The following LEPR variants were observed in gnomAD, a reference collection of about 807,000 sequenced individuals.
The protein encoded by LEPR is leptin receptor, also known as OB receptor.
LEPR carries 56 observed loss-of-function variants against 114.7 expected under a neutral mutation model. The observed-to-expected ratio is 0.49, with a 90% CI of 0.39 to 0.61. LEPR has a LOEUF of 0.61. LEPR is among the 20% of genes least tolerant of loss of function. LEPR has a pLI of 0.00. For synonymous variants in LEPR, 443 were observed against 461.4 expected, an observed-to-expected ratio of 0.96 and a Z score of 0.51; for missense variants, 1,202 against 1,352.9, an observed-to-expected ratio of 0.89 and a Z score of 1.75.
intron 2 of LEPR, among the ~76,000 whole-genome samples, chr1:65,480,691 T>C (rs1647215104): frequency 1.3e-5 from 2 of 152,112 alleles, no homozygotes; most frequent in African/African-American, 4.8e-5. Context: ...ATGAGGATAT[T>C]TATCCCCATT....
At chr1:65,524,756 A>G (rs1252949519) in intron 2 of LEPR, among the ~76,000 whole-genome samples, 1 of 152,144 alleles carries the variant, frequency 6.6e-6, no homozygotes, top group African/African-American at 2.4e-5. Flanking sequence ...TTTCTTCCAT[A>G]TCACCCAGCG....
intron 2 of LEPR, among the ~76,000 whole-genome samples, chr1:65,475,502 C>T (rs765191992): frequency 5.3e-5 from 8 of 152,164 alleles, no homozygotes; most frequent in East Asian, 1.9e-4. Flanking sequence ...TTCCCTTCCA[C>T]GTAGAACCCT....
At chr1:65,441,176 C>T (rs1176975990) in intron 2 of LEPR, among the ~76,000 whole-genome samples, 1 of 152,178 alleles carries the variant, frequency 6.6e-6, no homozygotes, top group East Asian at 1.9e-4. Flanking sequence ...TGTGTAAACC[C>T]CAAATAGCTG....
intron 2 of LEPR, among the ~76,000 whole-genome samples, chr1:65,449,357 T>G (rs1646752554): frequency 6.6e-6 from 1 of 151,408 alleles, no homozygotes; most frequent in Non-Finnish European, 1.5e-5. Flanking sequence ...GAACTCCTCC[T>G]GGGGATGGGC....
chr1:65,526,785 A>T (rs145160667), intron 2 of LEPR, among the ~76,000 whole-genome samples: 313 of 152,288 alleles, frequency 2.1e-3, no homozygotes, highest in African/African-American at 6.7e-3. Context: ...TTTTGAGAAT[A>T]TCTAAGGTAT....
intron 15 of LEPR, among the ~76,000 whole-genome samples, chr1:65,617,745 A>C (rs1181119277): frequency 1.3e-5 from 2 of 152,242 alleles, no homozygotes; most frequent in African/African-American, 4.8e-5. Context: ...TTAAGGTTTT[A>C]GGGAGTATCA....
chr1:65,548,415 G>A (rs569833277), intron 2 of LEPR, among the ~76,000 whole-genome samples: 1 of 152,190 alleles, frequency 6.6e-6, no homozygotes, highest in African/African-American at 2.4e-5. Context: ...GGGTGTTAAA[G>A]TCTCCCATTA....
At chr1:65,543,121 CTTT>C (rs2100671951) in intron 2 of LEPR, among the ~76,000 whole-genome samples, 1 of 152,092 alleles carries the variant, frequency 6.6e-6, no homozygotes, top group East Asian at 1.9e-4. Flanking sequence ...TCTCCAGCAT[CTTT>C]TGTTTCCTGA....
chr1:65,548,732 A>G (rs1422691145), intron 2 of LEPR, among the ~76,000 whole-genome samples: 1 of 152,056 alleles, frequency 6.6e-6, no homozygotes, highest in Non-Finnish European at 1.5e-5. Flanking sequence ...TCCTGAATAC[A>G]GCACACTGAT....
In LEPR at chr1:65,640,193, TA is replaced by T. The variant is rs1557711738; in HGVS notation, c.*3179del. 1 of 152,174 alleles carries T rather than the reference TA, an allele frequency of 6.6e-6. No homozygotes were observed. The highest frequency in any genetic ancestry group is 1.5e-5 in the Non-Finnish European group (1 of 68,028). The allele number at this position is 152,174 out of a possible 1,614,324, so 9.4% of individuals were successfully genotyped here. A position where few individuals can be genotyped will look rare whatever the true frequency, so the allele number is the denominator to read the frequency against. ...TCCAAAACTGAAAGAAAATAAACTT[TA>T]GGCTGTAAGAGTTGAGAATTATGCA... is the stretch of plus-strand genomic sequence containing the variant. On this transcript the variant is annotated 3_prime_UTR_variant, in exon 20 of 20. Transcript: ENST00000349533.
Position 65,598,651 on chromosome 1 carries a change from A to C in LEPR, c.850-9A>C. On this transcript the variant is annotated splice_polypyrimidine_tract_variant and intron_variant, in intron 7 of 19. Coordinates refer to ENST00000349533, the MANE Select transcript of LEPR (RefSeq NM_002303.6). ...TGATGTTCTGATGTTTTAATATAATATTTAACAGGCTGACAAGATTGTCTC... is the reference window on the plus strand; with the variant it reads ...TGATGTTCTGATGTTTTAATATAATCTTTAACAGGCTGACAAGATTGTCTC... 6.2e-7 allele frequency: 1 copy of C among 1,612,678 alleles called. No individual in the cohort carries two copies. The highest frequency in any genetic ancestry group is 8.5e-7 in the Non-Finnish European group (1 of 1,179,478).
At chr1:65,431,132 A>G (rs564845077) in intron 2 of LEPR, among the ~76,000 whole-genome samples, 1 of 152,314 alleles carries the variant, frequency 6.6e-6, no homozygotes. Context: ...TTTGAATACA[A>G]CAAGATTGTC....
intron 2 of LEPR, chr1:65,434,118 G>C (rs929446429): frequency 1.6e-4 from 156 of 983,206 alleles, no homozygotes; most frequent in Non-Finnish European, 1.8e-4. Flanking sequence ...TCTTTAGATT[G>C]ATATAAAGTA....
At chr1:65,575,678 A>G (rs1654536034) in intron 5 of LEPR, among the ~76,000 whole-genome samples, 1 of 151,566 alleles carries the variant, frequency 6.6e-6, no homozygotes, top group African/African-American at 2.4e-5. Flanking sequence ...GAAGTCTTCT[A>G]AGAAAATCAT....
At chr1:65,548,926 T>G (rs1032601681) in intron 2 of LEPR, among the ~76,000 whole-genome samples, 4 of 152,264 alleles carry the variant, frequency 2.6e-5, no homozygotes, top group African/African-American at 7.2e-5. Context: ...CAATTTGGCA[T>G]GATTTTGCAG....
intron 8 of LEPR, among the ~76,000 whole-genome samples, chr1:65,601,009 A>C (rs900883737): frequency 1.3e-5 from 2 of 152,014 alleles, no homozygotes; most frequent in African/African-American, 2.4e-5. Context: ...AACTTGTCCT[A>C]GTTTCACTGA....
chr1:65,576,541 G>A (rs1654597161), intron 5 of LEPR: 1 of 153,856 alleles, frequency 6.5e-6, no homozygotes, highest in Non-Finnish European at 1.4e-5. Flanking sequence ...ACTGATAAAA[G>A]TGGGTTGCTG....
At position 65,640,181 on chromosome 1, in the gene LEPR, G is replaced by C. The variant is rs1303984656; in HGVS notation, c.*3166G>C. On this transcript the variant is annotated 3_prime_UTR_variant, in exon 20 of 20. Coordinates refer to ENST00000349533, the MANE Select transcript of LEPR (RefSeq NM_002303.6). ...TATATTACCTCCTCCAAAACTGAAA[G>C]AAAATAAACTTTAGGCTGTAAGAGT... The C allele has an allele frequency of 6.6e-6, 1 of 152,102 alleles. No individual in the cohort carries two copies. Among genetic ancestry groups the C allele is most frequent in the Non-Finnish European group, 1.5e-5 (1 of 68,018 alleles). 9.4% of individuals were successfully genotyped at this position (152,102 alleles called of 1,614,324 possible). A position where few individuals can be genotyped will look rare whatever the true frequency, so the allele number is the denominator to read the frequency against.
At chr1:65,520,195 A>G (rs533484098) in intron 2 of LEPR, among the ~76,000 whole-genome samples, 6 of 151,936 alleles carry the variant, frequency 3.9e-5, no homozygotes, top group East Asian at 1.9e-4. Context: ...GGGTCTTGCT[A>G]TGATGCCCAG....
Sources: allele counts gnomAD v4.1 joint callset (sites outside exome capture counted in the v4.1 genomes callset), GRCh38; gene constraint gnomAD v4.1.1; transcripts MANE v1.5; gene names NCBI Gene and HGNC (gene_info 2026-07-23, HGNC 2026-07-21).